AUTS2: variants seen among roughly 807,000 people sequenced by gnomAD.
AUTS2 encodes activator of transcription and developmental regulator AUTS2.
A neutral mutation model predicts 112.4 loss-of-function variants in AUTS2; 17 were observed. The observed-to-expected ratio is 0.15, with a 90% CI of 0.10 to 0.23. The LOEUF is 0.23. AUTS2 is among the 10% of genes least tolerant of loss of function. AUTS2 has a pLI of 1.00. For synonymous variants in AUTS2, 751 were observed against 702.7 expected, an observed-to-expected ratio of 1.07 and a Z score of -1.09; for missense variants, 1,510 against 1,701.6, an observed-to-expected ratio of 0.89 and a Z score of 1.98.
intron 4 of AUTS2, among the ~76,000 whole-genome samples, chr7:70,205,413 C>CTG (rs1810521182): frequency 6.6e-6 from 1 of 152,092 alleles, no homozygotes; most frequent in Admixed American, 6.5e-5. Flanking sequence ...CAGTCATGCA[C>CTG]CATATAACAA....
chr7:70,108,889 A>G (rs147134183), intron 2 of AUTS2, among the ~76,000 whole-genome samples: 3,035 of 149,388 alleles, frequency 0.02, 55 homozygotes, highest in Non-Finnish European at 0.03. Context: ...AAGTGCTGGG[A>G]TTGTGAGCCA....
intron 4 of AUTS2, among the ~76,000 whole-genome samples, chr7:70,326,821 G>A (rs1372870936): frequency 2.6e-5 from 4 of 151,584 alleles, no homozygotes; most frequent in African/African-American, 9.7e-5. Flanking sequence ...TGGCATGCTT[G>A]TTGAGGCTTT....
At chr7:69,989,740 C>T (rs377658691) in intron 2 of AUTS2, among the ~76,000 whole-genome samples, 7 of 152,178 alleles carry the variant, frequency 4.6e-5, no homozygotes, top group South Asian at 4.1e-4. Context: ...CCCCCCGCCC[C>T]GGGCCATGGA....
intron 4 of AUTS2, among the ~76,000 whole-genome samples, chr7:70,240,206 A>G (rs7806363): frequency 0.23 from 34,611 of 152,114 alleles, 3,907 homozygotes; most frequent in Middle Eastern, 0.33. Flanking sequence ...GCTGGGTTCA[A>G]TATGGTGCCT....
In AUTS2 at chr7:70,533,613, G is replaced by A. The variant is rs117048787; in HGVS notation, c.690+97832G>A. Among the ~76,000 whole-genome samples, 66 of 152,346 alleles carry A rather than the reference G, an allele frequency of 4.3e-4. 1 individual carries two copies. Among genetic ancestry groups the A allele is most frequent in the African/African-American group, 1.4e-3 (57 of 41,582 alleles). ...TGTAGCTCTATGCTGGAACTAGCTC[G>A]TGTTTAATGCTGTGTTATGGGTAAA... On this transcript the variant is annotated intron_variant, in intron 5 of 18. Transcript: ENST00000342771.
intron 1 of AUTS2, among the ~76,000 whole-genome samples, chr7:69,739,200 C>T (rs181043272): frequency 4.6e-5 from 7 of 152,126 alleles, no homozygotes; most frequent in African/African-American, 1.7e-4. Context: ...TAATACCCTT[C>T]AGATATTAAA....
chr7:69,941,272 G>A (rs1016868931), intron 2 of AUTS2, among the ~76,000 whole-genome samples: 1 of 141,350 alleles, frequency 7.1e-6, no homozygotes, highest in Non-Finnish European at 1.6e-5. Context: ...GCACAACAGT[G>A]GGAGGGACGG....
At chr7:70,741,345 A>G (rs1788094358) in intron 6 of AUTS2, among the ~76,000 whole-genome samples, 1 of 152,036 alleles carries the variant, frequency 6.6e-6, no homozygotes, top group Admixed American at 6.5e-5. Context: ...AGAAAAAAAA[A>G]AAACAGGAAC....
chr7:69,765,668 G>A (rs947072510), intron 1 of AUTS2, among the ~76,000 whole-genome samples: 1 of 152,070 alleles, frequency 6.6e-6, no homozygotes, highest in African/African-American at 2.4e-5. Context: ...GTCCGGGCAC[G>A]GTGGCTCATG....
At chr7:69,750,178 G>T (rs1346955738) in intron 1 of AUTS2, among the ~76,000 whole-genome samples, 1 of 152,022 alleles carries the variant, frequency 6.6e-6, no homozygotes, top group Admixed American at 6.6e-5. Flanking sequence ...ACCATGGTTG[G>T]TTTCTGTCAG....
chr7:70,197,350 G>A (rs1456795412), intron 4 of AUTS2, among the ~76,000 whole-genome samples: 4 of 151,912 alleles, frequency 2.6e-5, no homozygotes, highest in East Asian at 1.9e-4. Context: ...CAAGATGGCC[G>A]AATAGGAACA....
At chr7:70,405,842 T>C (rs1316185314) in intron 4 of AUTS2, among the ~76,000 whole-genome samples, 1 of 152,242 alleles carries the variant, frequency 6.6e-6, no homozygotes, top group Non-Finnish European at 1.5e-5. Context: ...TATGTATTCA[T>C]GTTTCAGACT....
rs1427531483 is a variant in AUTS2 at position 70,790,551 on chromosome 7, C to A, written c.3335C>A (p.Ala1112Asp). ...HRLSTPRLYE[A>D]DRSFRDREPH... ...CTCTCGACTCCCCGGCTGTACGAAGCCGACCGCTCCTTCAGGGACCGGGAG... is the reference window on the plus strand; with the variant it reads ...CTCTCGACTCCCCGGCTGTACGAAGACGACCGCTCCTTCAGGGACCGGGAG... Residue 1112 changes from alanine (A) to aspartate (D), a missense_variant, in exon 19 of 19, where the codon GCC (alanine) becomes GAC (aspartate). This residue lies in a region of AUTS2 where 788 missense variants were observed against 797.6 expected (regional missense o/e 0.99). Transcript: ENST00000342771. The surrounding 1 kb of genome is among the most constrained non-coding windows in gnomAD (Gnocchi z 7.6). 6 of 1,604,726 alleles carry A rather than the reference C, an allele frequency of 3.7e-6. No homozygotes were observed. The highest frequency in any genetic ancestry group is 5.1e-6 in the Non-Finnish European group (6 of 1,176,150).
intron 1 of AUTS2, among the ~76,000 whole-genome samples, chr7:69,708,975 C>A (rs1798184827): frequency 6.6e-6 from 1 of 152,168 alleles, no homozygotes; most frequent in Non-Finnish European, 1.5e-5. Flanking sequence ...CCAAAAGTAG[C>A]TCAGACATCC....
At chr7:69,605,842 A>T (rs1792687123) in intron 1 of AUTS2, among the ~76,000 whole-genome samples, 1 of 152,150 alleles carries the variant, frequency 6.6e-6, no homozygotes, top group African/African-American at 2.4e-5. Context: ...CTGAGAAGGG[A>T]TGAGAGAATT....
chr7:69,872,349 A>T (rs931494602), intron 1 of AUTS2, among the ~76,000 whole-genome samples: 1 of 152,226 alleles, frequency 6.6e-6, no homozygotes, highest in African/African-American at 2.4e-5. Flanking sequence ...TCCACCTTTT[A>T]TCTGTAACTT....
chr7:69,604,055 T>C (rs1792580378), intron 1 of AUTS2, among the ~76,000 whole-genome samples: 4 of 152,162 alleles, frequency 2.6e-5, no homozygotes, highest in Admixed American at 2.6e-4. Flanking sequence ...TAAGATGAAA[T>C]TTGTGGAATT....
At chr7:69,689,362 T>TA in intron 1 of AUTS2, among the ~76,000 whole-genome samples, 1 of 142,408 alleles carries the variant, frequency 7.0e-6, no homozygotes, top group Non-Finnish European at 1.5e-5. Flanking sequence ...TTTTTTTTTT[T>TA]TTTTTTGAGA....
chr7:70,205,163 C>T lies in AUTS2; in HGVS notation c.660+70592C>T, dbSNP rs529100050. Among the ~76,000 whole-genome samples, 41 of 152,244 alleles carry T rather than the reference C, an allele frequency of 2.7e-4. 1 individual carries two copies. The highest frequency in any genetic ancestry group is 9.6e-4 in the African/African-American group (40 of 41,556). ...TGAATGGATCTTCCTGCCTCAGCCT[C>T]CCAAGAAGCTGGGACTTCAGGAATG... On this transcript the variant is annotated intron_variant, in intron 4 of 18. Transcript: ENST00000342771.
Sources: allele counts gnomAD v4.1 joint callset (sites outside exome capture counted in the v4.1 genomes callset), GRCh38; gene constraint gnomAD v4.1.1; regional missense constraint gnomAD v4.1.1; non-coding constraint Gnocchi (gnomAD v3.1); transcripts MANE v1.5; gene names NCBI Gene and HGNC (gene_info 2026-07-23, HGNC 2026-07-21).